Variants in RNF216 observed in about 807,000 individuals in gnomAD.
RNF216 encodes E3 ubiquitin-protein ligase RNF216.
In RNF216, 72 loss-of-function variants were observed where a neutral mutation model predicts 110.8. The ratio of observed to expected loss-of-function variants is 0.65; its 90% confidence interval spans 0.54 to 0.79. The LOEUF (loss-of-function observed/expected upper bound fraction) is 0.79. Among genes scored for constraint, RNF216 ranks in the 30% least tolerant of loss-of-function variants. The pLI, the probability that RNF216 is intolerant of heterozygous loss-of-function variation, is 0.00. For missense variants in RNF216, 1,342 were observed against 1,141.2 expected (o/e 1.18, Z -2.54); for synonymous variants, 495 against 407.5 (o/e 1.21, Z -2.59).
Position 5,696,738 on chromosome 7 carries a change from G to A in RNF216, c.2061+15023C>T, listed in dbSNP as rs939697327. ...ATCCCACCTAGGTCTTCTGGAAAAT[G>A]GGAAAAGTAATCACAGCAAATACCT... On this transcript the variant is annotated intron_variant, in intron 13 of 16. Transcript: ENST00000389902. This position sits in a 1 kb window ranked among gnomAD's most constrained non-coding sequence, Gnocchi z 5.4. Among the ~76,000 whole-genome samples, 1 of 152,194 alleles carries A rather than the reference G, an allele frequency of 6.6e-6. No homozygotes were observed. Among genetic ancestry groups the A allele is most frequent in the Admixed American group, 6.5e-5 (1 of 15,274 alleles).
intron 5 of RNF216, among the ~76,000 whole-genome samples, chr7:5,738,087 C>CAAAAAAAAAAAAAAAA (rs200643372): frequency 9.0e-6 from 1 of 110,980 alleles, no homozygotes; most frequent in African/African-American, 4.0e-5. Flanking sequence ...AGACTGTCTC[C>CAAAAAAAAAAAAAAAA]AAAAAAAAAA....
In RNF216 at chr7:5,766,150, C is replaced by T. The variant is rs201643224; in HGVS notation, c.-69-5012G>A. Among the ~76,000 whole-genome samples the T allele has an allele frequency of 4.6e-5, 7 of 151,724 alleles. No individual in the cohort carries two copies. The East Asian group carries it at 7.8e-4, about 17-fold the overall frequency. ...AATAAAAATTAAAAAACTAGCTGCGCGGGGTGGCATGTACCTATAGTTTTA... is the reference window on the plus strand; with the variant it reads ...AATAAAAATTAAAAAACTAGCTGCGTGGGGTGGCATGTACCTATAGTTTTA... On this transcript the variant is annotated intron_variant, in intron 1 of 16. Coordinates refer to ENST00000389902, the MANE Select transcript of RNF216 (RefSeq NM_207111.4).
chr7:5,728,478 A>G (rs1793894212), intron 7 of RNF216, among the ~76,000 whole-genome samples: 1 of 151,838 alleles, frequency 6.6e-6, no homozygotes, highest in Admixed American at 6.6e-5. Flanking sequence ...GGAGGCTGAG[A>G]CAGAAGAATT....
intron 13 of RNF216, among the ~76,000 whole-genome samples, chr7:5,675,079 G>A (rs1405012608): frequency 6.6e-6 from 1 of 152,176 alleles, no homozygotes; most frequent in East Asian, 1.9e-4. Flanking sequence ...AGCTTCATAT[G>A]TAACTAAAGC....
chr7:5,770,786 G>C (rs939806613), intron 1 of RNF216, among the ~76,000 whole-genome samples: 4 of 151,906 alleles, frequency 2.6e-5, no homozygotes, highest in African/African-American at 7.3e-5. Flanking sequence ...CAATGGAACA[G>C]AGTGCAGAAC....
chr7:5,760,780 A>C (rs1795892596), intron 2 of RNF216, among the ~76,000 whole-genome samples: 1 of 152,200 alleles, frequency 6.6e-6, no homozygotes, highest in Non-Finnish European at 1.5e-5. Context: ...CTTGCCAGCA[A>C]ATTAATAGCT....
chr7:5,756,105 C>T (rs1445997431), intron 2 of RNF216, among the ~76,000 whole-genome samples: 2 of 135,176 alleles, frequency 1.5e-5, no homozygotes, highest in South Asian at 2.3e-4. Flanking sequence ...CCATTCTGCT[C>T]TCGTGATAGT....
chr7:5,641,480 C>T (rs1787729504), intron 14 of RNF216, 104 bp from the exon 15 acceptor site: 1 of 948,044 alleles, frequency 1.1e-6, no homozygotes, highest in Admixed American at 2.4e-5. Context: ...TCACTTATGG[C>T]TTTTTTGTGA....
chr7:5,701,079 G>C (rs1298478732), intron 13 of RNF216, among the ~76,000 whole-genome samples: 4 of 152,188 alleles, frequency 2.6e-5, no homozygotes, highest in African/African-American at 7.2e-5. Context: ...TGGACAGAGA[G>C]TGCAGACCCT....
intron 9 of RNF216, among the ~76,000 whole-genome samples, chr7:5,719,283 A>G (rs983459190): frequency 9.9e-5 from 15 of 152,162 alleles, no homozygotes; most frequent in African/African-American, 3.6e-4. Context: ...GTTGAGATGG[A>G]AGGACTGCTT....
intron 15 of RNF216, among the ~76,000 whole-genome samples, chr7:5,640,419 T>A (rs1481676082): frequency 6.6e-6 from 1 of 152,194 alleles, no homozygotes; most frequent in Non-Finnish European, 1.5e-5. Context: ...ATGGCTCTCA[T>A]CACACTCCAG....
At chr7:5,673,892 G>C (rs987100092) in intron 13 of RNF216, among the ~76,000 whole-genome samples, 1 of 123,222 alleles carries the variant, frequency 8.1e-6, no homozygotes, top group African/African-American at 3.3e-5. Flanking sequence ...ACAGAGTCTT[G>C]CTCTATCGCC....
intron 6 of RNF216, among the ~76,000 whole-genome samples, chr7:5,729,949 C>G (rs1332234095): frequency 1.3e-5 from 2 of 152,164 alleles, no homozygotes; most frequent in Non-Finnish European, 1.5e-5. Flanking sequence ...GATCAAGCAA[C>G]AGATCTTAAT....
intron 5 of RNF216, among the ~76,000 whole-genome samples, chr7:5,738,707 CAAAAAAAA>C (rs71004696): frequency 2.9e-5 from 2 of 70,124 alleles, no homozygotes; most frequent in Non-Finnish European, 5.3e-5. Context: ...GACTCCGTCT[CAAAAAAAA>C]AAAAAAAAAA....
chr7:5,678,254 C>G (rs1367570246), intron 13 of RNF216, among the ~76,000 whole-genome samples: 1 of 152,200 alleles, frequency 6.6e-6, no homozygotes, highest in Non-Finnish European at 1.5e-5. Flanking sequence ...GAAAACCAGT[C>G]TGAAAAATCT....
At chr7:5,630,749 G>C (rs554879716) in intron 15 of RNF216, among the ~76,000 whole-genome samples, 15 of 152,088 alleles carry the variant, frequency 9.9e-5, no homozygotes, top group Admixed American at 2.6e-4. Context: ...AACATGCACT[G>C]AGAGATTACT....
chr7:5,727,211 T>C (rs780643080), intron 7 of RNF216, among the ~76,000 whole-genome samples: 4 of 152,238 alleles, frequency 2.6e-5, no homozygotes, highest in African/African-American at 9.6e-5. Flanking sequence ...CTCATCTCTC[T>C]TTCAATGCCA....
In RNF216 at chr7:5,673,700, A is replaced by T. The variant is rs184001976; in HGVS notation, c.2062-21190T>A. ...TATTAAGCCTGAGCAACACAGCATG[A>T]CCTTGTCTCTACAAAAAAATTAAAA... On this transcript the variant is annotated intron_variant, in intron 13 of 16. Coordinates refer to ENST00000389902, the MANE Select transcript of RNF216 (RefSeq NM_207111.4). Among the ~76,000 whole-genome samples the T allele has an allele frequency of 1.4e-4, 22 of 152,254 alleles. No homozygotes were observed. The East Asian group carries it at 4.2e-3, about 29-fold the overall frequency.
chr7:5,754,952 T>A (rs1374729096), intron 2 of RNF216, among the ~76,000 whole-genome samples: 1 of 149,364 alleles, frequency 6.7e-6, no homozygotes, highest in South Asian at 2.1e-4. Context: ...CGCTTTAACC[T>A]GGGAGATGGA....
Sources: gnomAD v4.1 joint callset for allele counts (sites outside exome capture counted in the v4.1 genomes callset) on GRCh38, gnomAD v4.1.1 for gene constraint, Gnocchi (gnomAD v3.1) non-coding constraint, MANE v1.5 for transcripts, NCBI Gene and HGNC (gene_info 2026-07-23, HGNC 2026-07-21) for gene names.